The following CDK14 variants were observed in gnomAD, a reference collection of about 807,000 sequenced individuals.
The protein encoded by CDK14 is cyclin-dependent kinase 14.
Under a neutral mutation model 60.7 loss-of-function variants are expected in CDK14, and 34 were observed. The observed-to-expected ratio is 0.56, with a 90% CI of 0.43 to 0.75. The LOEUF (loss-of-function observed/expected upper bound fraction) is 0.75. CDK14 is among the 30% of genes least tolerant of loss of function. The pLI, the probability that CDK14 is intolerant of heterozygous loss-of-function variation, is 0.00. For synonymous variants in CDK14, 197 were observed against 203.7 expected (o/e 0.97, Z 0.28); for missense variants, 482 against 564.1 (o/e 0.85, Z 1.47).
intron 11 of CDK14, among the ~76,000 whole-genome samples, chr7:91,061,494 A>G (rs1213995699): frequency 2.0e-5 from 3 of 152,076 alleles, no homozygotes; most frequent in African/African-American, 7.2e-5. Flanking sequence ...TAAAATTTTC[A>G]GTTTTTCTGC....
intron 6 of CDK14, among the ~76,000 whole-genome samples, chr7:90,865,562 T>C (rs777803143): frequency 2.0e-5 from 3 of 152,126 alleles, no homozygotes; most frequent in Non-Finnish European, 4.4e-5. Context: ...TAATAATTAT[T>C]AAACATTAAG....
At chr7:91,025,795 T>C (rs1307045594) in intron 10 of CDK14, among the ~76,000 whole-genome samples, 2 of 152,228 alleles carry the variant, frequency 1.3e-5, no homozygotes, top group East Asian at 3.8e-4. Flanking sequence ...AAGGTTTTCT[T>C]CCTTTTTCAG....
At chr7:90,720,349 G>A (rs912065611) in intron 2 of CDK14, among the ~76,000 whole-genome samples, 12 of 152,102 alleles carry the variant, frequency 7.9e-5, no homozygotes, top group African/African-American at 1.7e-4. Flanking sequence ...GGCTGAGGGC[G>A]GTAAGAAAGC....
rs1266101877 is a variant in CDK14, at chr7:90,604,231, T to A, written c.105T>A (p.Asp35Glu). ...CTTATTTTATAGCTTTGAAGAAAGATGACACCACCTTTGATGAGGTAGGTT... is the reference window on the plus strand; with the variant it reads ...CTTATTTTATAGCTTTGAAGAAAGAAGACACCACCTTTGATGAGGTAGGTT... The part of the protein sequence containing the change: ...ESFSRIALKK[D>E]DTTFDEICVT... Residue 35 changes from aspartate to glutamate, a missense_variant, in exon 2 of 15, where the codon GAT (aspartate) becomes GAA (glutamate). Asp to Glu is a conservative substitution (Grantham distance 45). Transcript: ENST00000380050. 6.5e-7 allele frequency: 1 copy of A among 1,543,296 alleles called. No individual in the cohort carries two copies. Among genetic ancestry groups the A allele is most frequent in the East Asian group, 2.3e-5 (1 of 43,322 alleles).
At chr7:90,942,654 G>A (rs865943636) in intron 8 of CDK14, among the ~76,000 whole-genome samples, 3 of 152,120 alleles carry the variant, frequency 2.0e-5, no homozygotes, top group African/African-American at 7.2e-5. Flanking sequence ...CCTTCATTGT[G>A]CAGTCTCTAT....
At chr7:90,841,585 G>A (rs1790291206) in intron 5 of CDK14, among the ~76,000 whole-genome samples, 1 of 151,066 alleles carries the variant, frequency 6.6e-6, no homozygotes, top group Non-Finnish European at 1.5e-5. Context: ...TGCTTACGAA[G>A]CAGCACTTAC....
chr7:90,904,508 A>G (rs1584107924), intron 7 of CDK14, among the ~76,000 whole-genome samples: 2 of 152,150 alleles, frequency 1.3e-5, no homozygotes. Context: ...CAAATTAAAA[A>G]CAACAATAAA....
At position 90,871,157 on chromosome 7, in the gene CDK14, G is replaced by A. The variant is rs533937038; in HGVS notation, c.639+7888G>A. ...GTGGTGATATGCTGGACCTATTTGT[G>A]TCATAGCTGGGAAGTATAATTAACA... On this transcript the variant is annotated intron_variant, in intron 6 of 14. Transcript: ENST00000380050. 9.9e-5 allele frequency among the ~76,000 whole-genome samples: 15 copies of A among 152,164 alleles called. No individual in the cohort carries two copies. The East Asian group carries it at 2.9e-3, about 29-fold the overall frequency.
chr7:90,970,071 A>C (rs1181704342), intron 9 of CDK14, among the ~76,000 whole-genome samples: 3 of 150,698 alleles, frequency 2.0e-5, no homozygotes, highest in Non-Finnish European at 4.4e-5. Flanking sequence ...GGTTTAAGCG[A>C]TCCTCTGCCT....
rs184306815 is a variant in CDK14, at chr7:91,094,568, C to A, written c.1154+15088C>A. On this transcript the variant is annotated intron_variant, in intron 12 of 14. Transcript: ENST00000380050. ...CAAATTGTTTTCCTGGTAGGAGCAT[C>A]TAAGTTTATTTTACAAATTTTATTT... Among the ~76,000 whole-genome samples, 214 of 152,236 alleles carry A rather than the reference C, an allele frequency of 1.4e-3. 3 individuals carry two copies. The highest frequency in any genetic ancestry group is 0.01 in the Middle Eastern group (3 of 294).
chr7:91,190,876 G>T (rs1157628516), intron 14 of CDK14, among the ~76,000 whole-genome samples: 1 of 152,180 alleles, frequency 6.6e-6, no homozygotes, highest in Non-Finnish European at 1.5e-5. Context: ...GACTTGGGTG[G>T]TATCAGGCAT....
At chr7:90,749,094 G>A (rs188008488) in intron 4 of CDK14, among the ~76,000 whole-genome samples, 1 of 152,166 alleles carries the variant, frequency 6.6e-6, no homozygotes, top group African/African-American at 2.4e-5. Flanking sequence ...AGAAAGATAT[G>A]TAAGGCAAAA....
chr7:90,960,456 A>G (rs780861285), intron 9 of CDK14, among the ~76,000 whole-genome samples: 32 of 152,208 alleles, frequency 2.1e-4, no homozygotes, highest in Non-Finnish European at 3.1e-4. Flanking sequence ...ATGAGATTGC[A>G]TATTAAATCA....
intron 2 of CDK14, among the ~76,000 whole-genome samples, chr7:90,673,736 C>T (rs776857977): frequency 1.3e-5 from 2 of 152,126 alleles, no homozygotes; most frequent in Non-Finnish European, 1.5e-5. Flanking sequence ...TTGTAAATCA[C>T]AAAAGTATAA....
At chr7:90,733,323 G>T (rs1201181641) in intron 3 of CDK14, among the ~76,000 whole-genome samples, 3 of 152,226 alleles carry the variant, frequency 2.0e-5, no homozygotes, top group East Asian at 1.9e-4. Context: ...TTGATTTGGG[G>T]TGGAGAGTTC....
intron 2 of CDK14, among the ~76,000 whole-genome samples, chr7:90,646,946 T>G (rs1800482803): frequency 6.6e-6 from 1 of 152,184 alleles, no homozygotes; most frequent in Non-Finnish European, 1.5e-5. Flanking sequence ...CAAAATTGCC[T>G]GATGAACTGA....
At chr7:90,646,660 T>A (rs1800475051) in intron 2 of CDK14, among the ~76,000 whole-genome samples, 1 of 152,186 alleles carries the variant, frequency 6.6e-6, no homozygotes, top group African/African-American at 2.4e-5. Context: ...CACCTTGGGC[T>A]CCACACTAGT....
intron 11 of CDK14, among the ~76,000 whole-genome samples, chr7:91,078,980 T>C (rs1798403291): frequency 1.3e-5 from 2 of 152,330 alleles, no homozygotes; most frequent in East Asian, 3.9e-4. Flanking sequence ...TAGTTTGGCT[T>C]TGAGCATGTA....
At chr7:90,645,364 TTAAA>T (rs35769053) in intron 2 of CDK14, among the ~76,000 whole-genome samples, 46,837 of 151,790 alleles carry the variant, frequency 0.31, 8,106 homozygotes, top group East Asian at 0.67. Flanking sequence ...TGATTTCTCT[TTAAA>T]TAACCTTAAA....
Sources: allele counts gnomAD v4.1 joint callset (sites outside exome capture counted in the v4.1 genomes callset), GRCh38; gene constraint gnomAD v4.1.1; transcripts MANE v1.5; gene names NCBI Gene and HGNC (gene_info 2026-07-23, HGNC 2026-07-21).